Variants in KCNH5 observed in about 807,000 individuals in gnomAD.
KCNH5 encodes potassium voltage-gated channel subfamily H member 5.
A neutral mutation model predicts 96.1 loss-of-function variants in KCNH5; 46 were observed. The ratio of observed to expected loss-of-function variants is 0.48; its 90% CI spans 0.38 to 0.61. The LOEUF is 0.61. KCNH5 is among the 20% of genes least tolerant of loss of function. The pLI is 0.00. For synonymous variants in KCNH5, 439 were observed against 449.8 expected (o/e 0.98, Z 0.30); for missense variants, 907 against 1,225.8 (o/e 0.74, Z 3.88).
chr14:62,898,925 A>G (rs1254995681), intron 7 of KCNH5, among the ~76,000 whole-genome samples: 1 of 152,188 alleles, frequency 6.6e-6, no homozygotes, highest in African/African-American at 2.4e-5. Context: ...CCAGGGAGAC[A>G]TAATTTTAAA....
chr14:62,771,035 GCTCTCTCA>G (rs1407746034), intron 10 of KCNH5, among the ~76,000 whole-genome samples: 1 of 152,076 alleles, frequency 6.6e-6, no homozygotes, highest in Non-Finnish European at 1.5e-5. Context: ...AGACTCGAGA[GCTCTCTCA>G]CTCTCTCACA....
chr14:62,814,527 T>C (rs1886934724), intron 8 of KCNH5, among the ~76,000 whole-genome samples: 1 of 151,928 alleles, frequency 6.6e-6, no homozygotes, highest in South Asian at 2.1e-4. Flanking sequence ...ATCTTTTTAG[T>C]CCCCATGACA....
At chr14:62,853,460 T>TATATATATATG (rs1887855919) in intron 7 of KCNH5, among the ~76,000 whole-genome samples, 53 of 89,490 alleles carry the variant, frequency 5.9e-4, no homozygotes, top group Non-Finnish European at 9.6e-4. Context: ...AATAATCATA[T>TATATATATATG]ATATATATAT....
At chr14:62,824,411 T>C (rs1015930337) in intron 8 of KCNH5, among the ~76,000 whole-genome samples, 1 of 152,044 alleles carries the variant, frequency 6.6e-6, no homozygotes, top group Non-Finnish European at 1.5e-5. Context: ...GCCTACAAGG[T>C]AAGAGGAGCA....
intron 10 of KCNH5, among the ~76,000 whole-genome samples, chr14:62,759,573 A>ATATATATATATATATTTTT (rs1171935428): frequency 4.6e-5 from 7 of 151,086 alleles, no homozygotes; most frequent in Non-Finnish European, 7.4e-5. Context: ...CGTAGGGTAT[A>ATATATATATATATATTTTT]TTTTTTAATA....
Position 62,862,266 on chromosome 14 carries a change from A to G in KCNH5, c.1370-12414T>C, listed in dbSNP as rs1192451732. ...ACCAGTAAGATTGATCCGAGATACAAAGACTGAAGTGGCCGGCACTGCCAA... is the reference window on the plus strand; with the variant it reads ...ACCAGTAAGATTGATCCGAGATACAGAGACTGAAGTGGCCGGCACTGCCAA... On this transcript the variant is annotated intron_variant, in intron 7 of 10. Transcript: ENST00000322893. Among the ~76,000 whole-genome samples, 8 of 152,208 alleles carry G rather than the reference A, an allele frequency of 5.3e-5. No homozygotes were observed. The East Asian group carries it at 1.5e-3, about 29-fold the overall frequency.
chr14:62,860,881 G>A (rs544324886), intron 7 of KCNH5, among the ~76,000 whole-genome samples: 59 of 152,282 alleles, frequency 3.9e-4, no homozygotes, highest in African/African-American at 1.3e-3. Flanking sequence ...TGGAACACTC[G>A]TCACTTCTCC....
intron 8 of KCNH5, among the ~76,000 whole-genome samples, chr14:62,835,798 T>G (rs1171775015): frequency 6.6e-6 from 1 of 152,038 alleles, no homozygotes; most frequent in African/African-American, 2.4e-5. Flanking sequence ...AAGGGGTTTT[T>G]GTTTGCTTGC....
intron 7 of KCNH5, among the ~76,000 whole-genome samples, chr14:62,899,064 T>C (rs1378383438): frequency 6.6e-6 from 1 of 152,130 alleles, no homozygotes; most frequent in East Asian, 1.9e-4. Flanking sequence ...TGATTTACCA[T>C]ACAGTTTTTC....
chr14:62,884,500 C>G (rs193087716), intron 7 of KCNH5, among the ~76,000 whole-genome samples: 2 of 152,230 alleles, frequency 1.3e-5, no homozygotes, highest in East Asian at 3.9e-4. Flanking sequence ...GCAGTATGCG[C>G]CTGTCATCTC....
intron 6 of KCNH5, among the ~76,000 whole-genome samples, chr14:62,966,292 G>A (rs963549604): frequency 6.6e-6 from 1 of 152,150 alleles, no homozygotes; most frequent in African/African-American, 2.4e-5. Context: ...AGTAGACTCA[G>A]AAGGGCACAG....
intron 8 of KCNH5, among the ~76,000 whole-genome samples, chr14:62,822,968 C>T (rs1443129048): frequency 6.6e-6 from 1 of 151,890 alleles, no homozygotes. Flanking sequence ...TTCTGGATAC[C>T]GAAATAATAA....
At chr14:62,731,137 C>A (rs1267686669) in intron 10 of KCNH5, among the ~76,000 whole-genome samples, 1 of 151,756 alleles carries the variant, frequency 6.6e-6, no homozygotes, top group Non-Finnish European at 1.5e-5. Flanking sequence ...CCCATCTCTA[C>A]TAAAAATGCA....
At chr14:62,780,742 G>C (rs1886193513) in intron 9 of KCNH5, among the ~76,000 whole-genome samples, 1 of 152,152 alleles carries the variant, frequency 6.6e-6, no homozygotes, top group East Asian at 1.9e-4. Flanking sequence ...GAACGAGAAA[G>C]AGTCTAAGGT....
chr14:62,729,972 A>C (rs1420212988), intron 10 of KCNH5, among the ~76,000 whole-genome samples: 1 of 152,220 alleles, frequency 6.6e-6, no homozygotes, highest in African/African-American at 2.4e-5. Flanking sequence ...AAGAATTATA[A>C]TGTTACCGTG....
At chr14:63,014,980 G>A (rs902254280) in intron 2 of KCNH5, among the ~76,000 whole-genome samples, 1 of 152,072 alleles carries the variant, frequency 6.6e-6, no homozygotes, top group African/African-American at 2.4e-5. Context: ...TAGGAGAGGA[G>A]CAATGCTTAA....
In KCNH5 at chr14:62,922,775, G is replaced by A. The variant is rs145026556; in HGVS notation, c.1369+27358C>T. On this transcript the variant is annotated intron_variant, in intron 7 of 10. Transcript: ENST00000322893. ...ATTGATAAAAACTCTCAACACATTA[G>A]GTATAGGAAGAATATACCTCAACTC... 1.9e-3 allele frequency among the ~76,000 whole-genome samples: 282 copies of A among 151,956 alleles called. 6 individuals carry two copies. Among genetic ancestry groups the A allele is most frequent in the African/African-American group, 6.6e-3 (273 of 41,488 alleles).
At chr14:62,766,379 A>G (rs556707906) in intron 10 of KCNH5, among the ~76,000 whole-genome samples, 40 of 152,290 alleles carry the variant, frequency 2.6e-4, no homozygotes, top group African/African-American at 9.1e-4. Context: ...TTGCACTCCT[A>G]TGTTTTTTGC....
chr14:62,846,714 T>C (rs952609068), intron 8 of KCNH5, among the ~76,000 whole-genome samples: 1 of 151,300 alleles, frequency 6.6e-6, no homozygotes, highest in African/African-American at 2.4e-5. Context: ...ATTCCCTCTC[T>C]TTTCTTTAAT....
Sources: allele counts gnomAD v4.1 joint callset (sites outside exome capture counted in the v4.1 genomes callset), GRCh38; gene constraint gnomAD v4.1.1; transcripts MANE v1.5; gene names NCBI Gene and HGNC (gene_info 2026-07-23, HGNC 2026-07-21).